The following GRID2 variants were observed in gnomAD, a reference collection of about 807,000 sequenced individuals.
The protein encoded by GRID2 is glutamate ionotropic receptor delta type subunit 2.
A neutral mutation model predicts 114.8 loss-of-function variants in GRID2; 33 were observed. The ratio of observed to expected loss-of-function variants is 0.29; its 90% CI spans 0.22 to 0.38. GRID2 has a LOEUF of 0.38. GRID2 is among the 10% of genes least tolerant of loss of function. The pLI is 1.00. For missense variants in GRID2, 1,184 were observed against 1,257.7 expected (o/e 0.94, Z 0.89); for synonymous variants, 505 against 449.9 (o/e 1.12, Z -1.55).
At chr4:93,015,721 A>G (rs761988242) in intron 2 of GRID2, among the ~76,000 whole-genome samples, 5 of 152,150 alleles carry the variant, frequency 3.3e-5, no homozygotes, top group Non-Finnish European at 7.4e-5. Context: ...CCTAAACTCA[A>G]GCTCCTTTAA....
chr4:92,821,798 C>G (rs924152665), intron 2 of GRID2, among the ~76,000 whole-genome samples: 3 of 152,150 alleles, frequency 2.0e-5, no homozygotes, highest in Non-Finnish European at 4.4e-5. Flanking sequence ...TCCAACTTGT[C>G]CTCAAGCTAA....
At chr4:92,665,322 T>C (rs536592230) in intron 2 of GRID2, among the ~76,000 whole-genome samples, 1 of 150,922 alleles carries the variant, frequency 6.6e-6, no homozygotes, top group East Asian at 1.9e-4. Context: ...CTTGGCAGCT[T>C]AGTTTCCACC....
chr4:92,998,949 A>G (rs1402686061), intron 2 of GRID2, among the ~76,000 whole-genome samples: 1 of 151,906 alleles, frequency 6.6e-6, no homozygotes, highest in Non-Finnish European at 1.5e-5. Flanking sequence ...ATGGTGATCA[A>G]TAATGATTTG....
intron 2 of GRID2, among the ~76,000 whole-genome samples, chr4:92,662,671 C>A (rs1056124698): frequency 2.0e-5 from 3 of 150,862 alleles, no homozygotes; most frequent in African/African-American, 4.8e-5. Context: ...TGGCATGAAA[C>A]AGAGCATACA....
intron 1 of GRID2, among the ~76,000 whole-genome samples, chr4:92,356,927 A>C (rs1049655419): frequency 1.3e-5 from 2 of 151,854 alleles, no homozygotes; most frequent in Non-Finnish European, 2.9e-5. Context: ...ACAAACTATG[A>C]TCTAGCAAGG....
intron 4 of GRID2, among the ~76,000 whole-genome samples, chr4:93,139,209 C>G (rs1363318736): frequency 6.6e-6 from 1 of 152,122 alleles, no homozygotes; most frequent in Non-Finnish European, 1.5e-5. Context: ...CTATTACAAT[C>G]CTAAACCCAG....
intron 1 of GRID2, among the ~76,000 whole-genome samples, chr4:93,795,234 A>G (rs1487097606): frequency 1.3e-5 from 2 of 152,124 alleles, no homozygotes; most frequent in African/African-American, 4.8e-5. Flanking sequence ...TATAACAGGT[A>G]GAAAAAATTC....
chr4:93,030,093 A>T (rs759891530), intron 2 of GRID2, among the ~76,000 whole-genome samples: 2 of 152,198 alleles, frequency 1.3e-5, no homozygotes, highest in Admixed American at 6.6e-5. Context: ...ATTGAAAAGT[A>T]GAGTTTCTGT....
At chr4:92,577,868 A>G (rs1436792876) in intron 1 of GRID2, among the ~76,000 whole-genome samples, 1 of 152,062 alleles carries the variant, frequency 6.6e-6, no homozygotes, top group East Asian at 1.9e-4. Flanking sequence ...TGAGGAGCTG[A>G]TGAATGGTTA....
At chr4:92,783,185 G>C (rs894981209) in intron 2 of GRID2, among the ~76,000 whole-genome samples, 2 of 151,926 alleles carry the variant, frequency 1.3e-5, no homozygotes, top group African/African-American at 2.4e-5. Flanking sequence ...AAATAGTTCT[G>C]AAGCAAGGGC....
At chr4:92,601,919 G>A (rs1729233256) in intron 2 of GRID2, among the ~76,000 whole-genome samples, 1 of 151,776 alleles carries the variant, frequency 6.6e-6, no homozygotes, top group African/African-American at 2.4e-5. Flanking sequence ...TAGAAGAAAT[G>A]GATAAATTCC....
chr4:92,594,408 A>T (rs1386704726), intron 2 of GRID2, among the ~76,000 whole-genome samples: 1 of 151,932 alleles, frequency 6.6e-6, no homozygotes, highest in Non-Finnish European at 1.5e-5. Context: ...AGGAATCTGA[A>T]TATAATGTAT....
At chr4:93,672,093 G>A (rs760246553) in intron 14 of GRID2, among the ~76,000 whole-genome samples, 1 of 152,066 alleles carries the variant, frequency 6.6e-6, no homozygotes, top group Non-Finnish European at 1.5e-5. Flanking sequence ...CCTTCTTTTT[G>A]CTGCTCCCCT....
intron 9 of GRID2, among the ~76,000 whole-genome samples, chr4:93,397,537 G>A (rs773770054): frequency 1.3e-4 from 19 of 151,918 alleles, no homozygotes; most frequent in Middle Eastern, 3.4e-3. Context: ...TAGTTATTTC[G>A]CAATTACTAT....
intron 2 of GRID2, among the ~76,000 whole-genome samples, chr4:92,732,029 A>T (rs909933133): frequency 5.3e-5 from 8 of 151,948 alleles, no homozygotes; most frequent in South Asian, 2.1e-4. Context: ...AAAATTATTT[A>T]AAAATGGGGA....
intron 14 of GRID2, among the ~76,000 whole-genome samples, chr4:93,688,630 TCTTCCTTTAAGGATGAAAGG>T (rs1726281143): frequency 6.6e-6 from 1 of 152,092 alleles, no homozygotes; most frequent in South Asian, 2.1e-4. Flanking sequence ...ACATTATATT[TCTTCCTTTAAGGATGAAAGG>T]CAAGTACAAA....
chr4:93,651,051 C>A (rs1269126709), intron 14 of GRID2, among the ~76,000 whole-genome samples: 3 of 152,170 alleles, frequency 2.0e-5, no homozygotes, highest in Admixed American at 6.5e-5. Flanking sequence ...AAAATCATTT[C>A]TCTGAAAACT....
chr4:93,507,647 C>T (rs1160267940), intron 12 of GRID2, among the ~76,000 whole-genome samples: 1 of 152,174 alleles, frequency 6.6e-6, no homozygotes, highest in Admixed American at 6.5e-5. Flanking sequence ...GTGAAAAAAT[C>T]ACTCAGTTCA....
At chr4:93,017,830 A>C (rs1048775732) in intron 2 of GRID2, among the ~76,000 whole-genome samples, 1 of 150,752 alleles carries the variant, frequency 6.6e-6, no homozygotes, top group African/African-American at 2.4e-5. Context: ...AAAGAAAAGA[A>C]AAGAAAAAAT....
Sources: allele counts gnomAD v4.1 joint callset (sites outside exome capture counted in the v4.1 genomes callset), GRCh38; gene constraint gnomAD v4.1.1; transcripts MANE v1.5; gene names NCBI Gene and HGNC (gene_info 2026-07-23, HGNC 2026-07-21).